Variants in MAGI2 observed in about 807,000 individuals in gnomAD.
MAGI2 encodes the protein membrane-associated guanylate kinase, WW and PDZ domain-containing protein 2.
A neutral mutation model predicts 133.3 loss-of-function variants in MAGI2; 35 were observed. The ratio of observed to expected loss-of-function variants is 0.26; its 90% CI spans 0.20 to 0.35. The LOEUF (loss-of-function observed/expected upper bound fraction) is 0.35. MAGI2 is among the 10% of genes least tolerant of loss of function. The pLI is 1.00. For synonymous variants in MAGI2, 729 were observed against 710.6 expected (o/e 1.03, Z -0.41); for missense variants, 1,636 against 1,863.4 (o/e 0.88, Z 2.25).
chr7:78,514,854 G>A (rs1795907220), intron 4 of MAGI2, among the ~76,000 whole-genome samples: 1 of 152,118 alleles, frequency 6.6e-6, no homozygotes, highest in Non-Finnish European at 1.5e-5. Flanking sequence ...GATCACATAA[G>A]GGACACTCTG....
chr7:78,594,553 G>T (rs1211847383), intron 3 of MAGI2, among the ~76,000 whole-genome samples: 1 of 152,160 alleles, frequency 6.6e-6, no homozygotes, highest in Admixed American at 6.5e-5. Context: ...TGCCTCCCGG[G>T]TTCAAGTGAT....
At chr7:78,654,707 A>ATG (rs1185136101) in intron 2 of MAGI2, among the ~76,000 whole-genome samples, 6 of 2,460 alleles carry the variant, frequency 2.4e-3, no homozygotes, top group Admixed American at 7.2e-3. Context: ...ATATATGTAT[A>ATG]TATATATATA....
At chr7:78,129,142 T>A (rs1436999062) in intron 18 of MAGI2, among the ~76,000 whole-genome samples, 2 of 152,138 alleles carry the variant, frequency 1.3e-5, no homozygotes, top group Admixed American at 1.3e-4. Flanking sequence ...TGACATGAGG[T>A]ATGGCCAAAG....
In MAGI2 at chr7:79,100,680, A is replaced by G. The variant is rs188072769; in HGVS notation, c.302-93474T>C. ...AATTATGTATATTATATTATTTGTA[A>G]GTTTACTTTTCTTTGTAATTAAATA... On this transcript the variant is annotated intron_variant, in intron 1 of 21. Coordinates refer to ENST00000354212, the MANE Select transcript of MAGI2 (RefSeq NM_012301.4). 8.0e-4 allele frequency among the ~76,000 whole-genome samples: 121 copies of G among 151,728 alleles called. 1 individual carries two copies. Among genetic ancestry groups the G allele is most frequent in the African/African-American group, 2.7e-3 (114 of 41,494 alleles).
At chr7:78,583,819 G>C (rs1467786926) in intron 3 of MAGI2, among the ~76,000 whole-genome samples, 2 of 152,194 alleles carry the variant, frequency 1.3e-5, no homozygotes, top group East Asian at 3.9e-4. Context: ...TGGCAGGGGA[G>C]AATGAGATGA....
At chr7:79,395,366 T>C (rs1844970840) in intron 1 of MAGI2, among the ~76,000 whole-genome samples, 1 of 152,114 alleles carries the variant, frequency 6.6e-6, no homozygotes, top group African/African-American at 2.4e-5. Context: ...ATTATGAAAC[T>C]GCAGAATGTT....
intron 1 of MAGI2, among the ~76,000 whole-genome samples, chr7:79,271,316 A>T (rs1281654563): frequency 2.0e-5 from 3 of 152,114 alleles, no homozygotes; most frequent in African/African-American, 4.8e-5. Flanking sequence ...TCTAGAGAAC[A>T]TGTTTTATAT....
intron 1 of MAGI2, among the ~76,000 whole-genome samples, chr7:79,105,825 T>C (rs1443623543): frequency 2.6e-5 from 4 of 152,020 alleles, no homozygotes; most frequent in Non-Finnish European, 1.5e-5. Flanking sequence ...TACTGCAATG[T>C]TCACCTGGTT....
chr7:78,100,403 G>A (rs1818108134), intron 20 of MAGI2, among the ~76,000 whole-genome samples: 3 of 151,536 alleles, frequency 2.0e-5, no homozygotes, highest in Non-Finnish European at 4.4e-5. Flanking sequence ...CCAGGCTGGA[G>A]TGCAGCTGTG....
chr7:78,268,667 G>C (rs17150464), intron 9 of MAGI2, among the ~76,000 whole-genome samples: 1 of 151,934 alleles, frequency 6.6e-6, no homozygotes, highest in East Asian at 1.9e-4. Flanking sequence ...AAATTTCAAG[G>C]TTCATTTCAT....
At chr7:78,471,347 T>C (rs1382852116) in intron 6 of MAGI2, among the ~76,000 whole-genome samples, 1 of 152,086 alleles carries the variant, frequency 6.6e-6, no homozygotes, top group Non-Finnish European at 1.5e-5. Flanking sequence ...TGATCAAAAG[T>C]TTATTTCCCT....
At chr7:78,856,697 C>G (rs938851452) in intron 2 of MAGI2, among the ~76,000 whole-genome samples, 5 of 152,108 alleles carry the variant, frequency 3.3e-5, no homozygotes, top group Admixed American at 2.6e-4. Flanking sequence ...ATGCCTCCAG[C>G]TTTTTTCTTT....
intron 2 of MAGI2, among the ~76,000 whole-genome samples, chr7:78,936,352 A>G (rs989548708): frequency 1.3e-5 from 2 of 152,004 alleles, no homozygotes; most frequent in African/African-American, 4.8e-5. Flanking sequence ...AGAATGGAAA[A>G]CAGACTTTCC....
At chr7:79,152,456 C>T (rs10267057) in intron 1 of MAGI2, among the ~76,000 whole-genome samples, 12,683 of 152,128 alleles carry the variant, frequency 0.083, 1,214 homozygotes, top group African/African-American at 0.23. Context: ...GACCTAGCTT[C>T]GTTAAGAAAA....
intron 2 of MAGI2, among the ~76,000 whole-genome samples, chr7:78,653,631 T>C (rs1811814579): frequency 6.6e-6 from 1 of 151,854 alleles, no homozygotes; most frequent in African/African-American, 2.4e-5. Context: ...CTGGGGCCTG[T>C]CAGGGGTTTG....
intron 1 of MAGI2, among the ~76,000 whole-genome samples, chr7:79,234,990 G>A (rs1355031345): frequency 6.6e-6 from 1 of 151,848 alleles, no homozygotes; most frequent in Non-Finnish European, 1.5e-5. Context: ...TGTCCTTTCT[G>A]TTTGTTAGTT....
At chr7:78,812,820 G>A (rs1238538344) in intron 2 of MAGI2, among the ~76,000 whole-genome samples, 1 of 152,142 alleles carries the variant, frequency 6.6e-6, no homozygotes, top group Non-Finnish European at 1.5e-5. Flanking sequence ...GGACTGATGA[G>A]CCCATTGCTT....
At chr7:78,512,136 T>TAAA (rs539565869) in intron 4 of MAGI2, among the ~76,000 whole-genome samples, 53 of 127,158 alleles carry the variant, frequency 4.2e-4, no homozygotes, top group Middle Eastern at 3.8e-3. Flanking sequence ...AAAAATAAAT[T>TAAA]AAAAAAAAAA....
intron 20 of MAGI2, among the ~76,000 whole-genome samples, chr7:78,119,587 T>C (rs908357948): frequency 7.7e-6 from 1 of 130,158 alleles, no homozygotes; most frequent in Non-Finnish European, 1.7e-5. Flanking sequence ...AAAAAAAGAA[T>C]GTACAACACC....
Sources: allele counts gnomAD v4.1 joint callset (sites outside exome capture counted in the v4.1 genomes callset), GRCh38; gene constraint gnomAD v4.1.1; transcripts MANE v1.5; gene names NCBI Gene and HGNC (gene_info 2026-07-23, HGNC 2026-07-21).